GEMIN2: variants seen among roughly 807,000 people sequenced by gnomAD.
GEMIN2 encodes the protein gem-associated protein 2.
Under a neutral mutation model 45.8 loss-of-function variants are expected in GEMIN2, and 37 were observed. That is an observed-to-expected ratio of 0.81 (90% CI 0.62 to 1.06). The LOEUF (loss-of-function observed/expected upper bound fraction) is 1.06, where lower values mean the gene tolerates loss of function less well. Among genes scored for constraint, GEMIN2 ranks in the 50% least tolerant of loss-of-function variants. GEMIN2 has a pLI of 0.00. For synonymous variants in GEMIN2, 101 were observed against 111.5 expected (o/e 0.91, Z 0.60); for missense variants, 335 against 321.8 (o/e 1.04, Z -0.31).
At chr14:39,125,149 C>A in intron 6 of GEMIN2, 113 bp downstream of exon 6, 2 of 625,534 alleles carry the variant, frequency 3.2e-6, no homozygotes, top group South Asian at 2.1e-5. Context: ...TTGTCCTAAG[C>A]TCTTTAATGG....
intron 5 of GEMIN2, 71 bp from the exon 6 acceptor site, chr14:39,124,921 C>A: frequency 1.3e-6 from 1 of 750,162 alleles, no homozygotes; most frequent in Non-Finnish European, 2.3e-6. Flanking sequence ...GCAAGAAATT[C>A]ACCAGTTTGA....
chr14:39,121,879 A>ATT lies in GEMIN2; in HGVS notation c.373-538_373-537dup, dbSNP rs34187098. The ATT allele has an allele frequency of 4.7e-3, 731 of 155,344 alleles. 5 individuals carry two copies. Among genetic ancestry groups the ATT allele is most frequent in the South Asian group, 7.3e-3 (47 of 6,468 alleles). 9.6% of individuals were successfully genotyped at this position (155,344 alleles called of 1,614,324 possible). On this transcript the variant is annotated intron_variant, in intron 4 of 9. Coordinates refer to ENST00000308317, the MANE Select transcript of GEMIN2 (RefSeq NM_003616.3). The stretch of plus-strand genomic sequence containing the variant: ...AGGTGTGCACCACCACATCCGGCTA[A>ATT]TTTTTTTTTTTTTTGTATTTTTAGT...
chr14:39,120,903 A>AG (rs905050861), intron 4 of GEMIN2, among the ~76,000 whole-genome samples: 6 of 152,316 alleles, frequency 3.9e-5, no homozygotes, highest in Admixed American at 3.3e-4. Flanking sequence ...ACTTATCCCT[A>AG]GGGGGAAAAT....
intron 9 of GEMIN2, among the ~76,000 whole-genome samples, chr14:39,135,408 AAACCTCG>A (rs2052769484): frequency 6.6e-6 from 1 of 152,078 alleles, no homozygotes; most frequent in Non-Finnish European, 1.5e-5. Context: ...CAACATGGTG[AAACCTCG>A]CCTCTACTAA....
Position 39,114,416 on chromosome 14 carries a change from G to A in GEMIN2, c.78G>A (p.Thr26=). Reference sequence around the variant, plus strand: ...TGCCGGTAGAGCCTTGCGACTTGACGGAAGGTTTCGATCCCTCGGTACCCC... The same window carrying A: ...TGCCGGTAGAGCCTTGCGACTTGACAGAAGGTTTCGATCCCTCGGTACCCC... ...RLLPVEPCDL[T]EGFDPSVPPR... is the part of the protein sequence containing the mutation. The change falls in exon 1 of 10, where the codon ACG becomes ACA. Residue 26 remains threonine (T), a synonymous_variant. Transcript: ENST00000308317. The A allele has an allele frequency of 6.2e-7, 1 of 1,614,012 alleles. No homozygotes were observed. Among genetic ancestry groups the A allele is most frequent in the Non-Finnish European group, 8.5e-7 (1 of 1,179,870 alleles).
chr14:39,136,303 C>T, intron 9 of GEMIN2, 137 bp from the exon 10 acceptor site: 3 of 583,754 alleles, frequency 5.1e-6, no homozygotes, highest in East Asian at 2.9e-5. Flanking sequence ...CATAATTTTC[C>T]ACTATGTAGA....
At chr14:39,122,261 G>T (rs959655576) in intron 4 of GEMIN2, among the ~76,000 whole-genome samples, 169 bp from the exon 5 acceptor site, 5 of 152,026 alleles carry the variant, frequency 3.3e-5, no homozygotes, top group African/African-American at 1.2e-4. Flanking sequence ...AGGTACTGGA[G>T]TTTAAGGTTT....
intron 7 of GEMIN2, among the ~76,000 whole-genome samples, chr14:39,131,413 TCA>T (rs969888397): frequency 6.6e-6 from 1 of 152,210 alleles, no homozygotes; most frequent in African/African-American, 2.4e-5. Context: ...GTGGTATTCT[TCA>T]CAGTTTTTCT....
At chr14:39,133,266 TTA>T (rs1178218673) in intron 8 of GEMIN2, among the ~76,000 whole-genome samples, 3 of 144,700 alleles carry the variant, frequency 2.1e-5, no homozygotes, top group South Asian at 2.1e-4. Flanking sequence ...TATATATTTA[TTA>T]TATATGAATA....
At position 39,133,008 on chromosome 14, in the gene GEMIN2, A is replaced by C. The variant is rs9672075; in HGVS notation, c.712-653A>C. On this transcript the variant is annotated intron_variant, in intron 8 of 9. Transcript: ENST00000308317. ...TGTGTGTGTGTGTGTGTGTATATAT[A>C]TGTGTGTGTGTGTGTGTGTATATAT... Among the ~76,000 whole-genome samples, 132 of 67,806 alleles carry C rather than the reference A, an allele frequency of 1.9e-3. 1 individual carries two copies. Among genetic ancestry groups the C allele is most frequent in the African/African-American group, 6.4e-3 (118 of 18,482 alleles). 44.5% of individuals were successfully genotyped at this position (67,806 alleles called of 152,430 possible).
At chr14:39,120,524 C>A (rs892512384) in intron 4 of GEMIN2, among the ~76,000 whole-genome samples, 1 of 152,162 alleles carries the variant, frequency 6.6e-6, no homozygotes, top group Non-Finnish European at 1.5e-5. Context: ...AGCTTCTGAC[C>A]TAATAGAGTG....
At position 39,114,833 on chromosome 14, in the gene GEMIN2, G is replaced by A; in HGVS notation, c.142G>A (p.Glu48Lys). 6.5e-7 allele frequency: 1 copy of A among 1,527,806 alleles called. No homozygotes were observed. The highest frequency in any genetic ancestry group is 9.1e-7 in the Non-Finnish European group (1 of 1,101,546). The allele number at this position is 1,527,806 out of a possible 1,614,324, so 94.6% of individuals were successfully genotyped here. Residue 48 changes from glutamate to lysine, a missense_variant, in exon 2 of 10, where the codon GAA becomes AAA. Coordinates refer to ENST00000308317, the MANE Select transcript of GEMIN2 (RefSeq NM_003616.3). ...GCGTTTATTACTTATTTGTAGGATC[G>A]AAGCAGCTCAATGTCCAGATGTTGT... ...PQEYLRRVQI[E>K]AAQCPDVVVA... is the part of the protein sequence containing the mutation.
At position 39,133,125 on chromosome 14, in the gene GEMIN2, T is replaced by C. The variant is rs1417562753; in HGVS notation, c.712-536T>C. ...TGTGTCTTGACTGTACAGTGATTAATATATATTATATATATTCATATATAT... is the reference window on the plus strand; with the variant it reads ...TGTGTCTTGACTGTACAGTGATTAACATATATTATATATATTCATATATAT... On this transcript the variant is annotated intron_variant, in intron 8 of 9. Transcript: ENST00000308317. Among the ~76,000 whole-genome samples the C allele has an allele frequency of 4.2e-5, 6 of 144,416 alleles. No individual in the cohort carries two copies. In the South Asian group the frequency reaches 8.6e-4, roughly 21 times the overall value. 94.7% of individuals were successfully genotyped at this position (144,416 alleles called of 152,430 possible). A position where few individuals can be genotyped will look rare whatever the true frequency, so the allele number is the denominator to read the frequency against.
chr14:39,122,163 T>G, intron 4 of GEMIN2: 1 of 352,430 alleles, frequency 2.8e-6, no homozygotes. Flanking sequence ...AGGACACTAG[T>G]AAGATTGGAT....
At chr14:39,124,865 G>A (rs2052620382) in intron 5 of GEMIN2, 127 bp from the exon 6 acceptor site, 4 of 627,310 alleles carry the variant, frequency 6.4e-6, no homozygotes, top group Admixed American at 2.5e-5. Context: ...TATGGACAAT[G>A]AAAGAATTTT....
intron 8 of GEMIN2, among the ~76,000 whole-genome samples, chr14:39,132,452 A>T (rs1369966610): frequency 6.6e-6 from 1 of 151,900 alleles, no homozygotes; most frequent in African/African-American, 2.4e-5. Flanking sequence ...AATCGTTCGA[A>T]CCCAGGAGGC....
At chr14:39,125,300 C>G (rs1249343479) in intron 6 of GEMIN2, among the ~76,000 whole-genome samples, 1 of 152,092 alleles carries the variant, frequency 6.6e-6, no homozygotes, top group East Asian at 1.9e-4. Flanking sequence ...AGATTCAGTG[C>G]CAGGTAGATC....
At chr14:39,120,624 T>C (rs1247001812) in intron 4 of GEMIN2, among the ~76,000 whole-genome samples, 1 of 152,008 alleles carries the variant, frequency 6.6e-6, no homozygotes. Context: ...TTTTATTTTA[T>C]TTTATTTTAT....
At chr14:39,125,241 A>G (rs578128387) in intron 6 of GEMIN2, among the ~76,000 whole-genome samples, 1 of 152,316 alleles carries the variant, frequency 6.6e-6, no homozygotes, top group East Asian at 1.9e-4. Flanking sequence ...ACAGCATTTG[A>G]GGTTAAGTAA....
Sources: allele counts gnomAD v4.1 joint callset (sites outside exome capture counted in the v4.1 genomes callset), GRCh38; gene constraint gnomAD v4.1.1; transcripts MANE v1.5; gene names NCBI Gene and HGNC (gene_info 2026-07-23, HGNC 2026-07-21).